The following EEFSEC variants were observed in gnomAD, a reference collection of about 807,000 sequenced individuals.
EEFSEC encodes the protein eukaryotic elongation factor, selenocysteine-tRNA specific.
In EEFSEC, 43 loss-of-function variants were observed where a neutral mutation model predicts 42.1. That is an observed-to-expected ratio of 1.02 (90% CI 0.80 to 1.32). The LOEUF (loss-of-function observed/expected upper bound fraction) is 1.32. Ranked by LOEUF, EEFSEC falls within the 40% of genes most tolerant of loss-of-function variation. The pLI is 0.00. For missense variants in EEFSEC, 745 were observed against 803.6 expected (o/e 0.93, Z 0.88); for synonymous variants, 354 against 339.1 (o/e 1.04, Z -0.48).
intron 4 of EEFSEC, among the ~76,000 whole-genome samples, chr3:128,276,540 G>A (rs2066470395): frequency 6.6e-6 from 1 of 152,184 alleles, no homozygotes; most frequent in Non-Finnish European, 1.5e-5. Context: ...AGCCTGCTTT[G>A]TAGAGTTACT....
chr3:128,222,542 A>G (rs2065871512), intron 1 of EEFSEC, among the ~76,000 whole-genome samples: 6 of 152,168 alleles, frequency 3.9e-5, no homozygotes, highest in Admixed American at 3.9e-4. Flanking sequence ...CTTCTATACC[A>G]TAATTAAATT....
At chr3:128,305,668 T>G (rs1185219654) in intron 4 of EEFSEC, among the ~76,000 whole-genome samples, 2 of 152,242 alleles carry the variant, frequency 1.3e-5, no homozygotes, top group Non-Finnish European at 2.9e-5. Flanking sequence ...CTTTCTTATA[T>G]GTAGTAATTT....
chr3:128,352,927 C>T (rs1025878638), intron 5 of EEFSEC, among the ~76,000 whole-genome samples: 1 of 152,220 alleles, frequency 6.6e-6, no homozygotes, highest in Non-Finnish European at 1.5e-5. Flanking sequence ...CAGGTTCTAA[C>T]CTGTGATGTA....
chr3:128,231,777 G>C (rs1576565246), intron 1 of EEFSEC, among the ~76,000 whole-genome samples: 1 of 152,266 alleles, frequency 6.6e-6, no homozygotes, highest in Admixed American at 6.5e-5. Flanking sequence ...AAGTCTGAGT[G>C]TTTATTCAGC....
chr3:128,221,219 A>G lies in EEFSEC; in HGVS notation c.317-25617A>G, dbSNP rs142738954. ...TAAAGTGAGGAAACACTAAGAGAAG[A>G]AAAAATATGCAGCCAGGTGGAGAAG... On this transcript the variant is annotated intron_variant, in intron 1 of 6. Coordinates refer to ENST00000254730, the MANE Select transcript of EEFSEC (RefSeq NM_021937.5). Among the ~76,000 whole-genome samples the G allele has an allele frequency of 2.6e-4, 40 of 152,356 alleles. No homozygotes were observed. In the East Asian group the frequency reaches 7.3e-3, roughly 28 times the overall value.
At chr3:128,389,298 G>T (rs1273952755) in intron 6 of EEFSEC, among the ~76,000 whole-genome samples, 1 of 152,234 alleles carries the variant, frequency 6.6e-6, no homozygotes, top group African/African-American at 2.4e-5. Flanking sequence ...CAGGCATTTT[G>T]GTTGGGGATG....
Position 128,205,933 on chromosome 3 carries a change from AGTGGGGT to A in EEFSEC, c.317-40899_317-40893del, listed in dbSNP as rs146017495. Among the ~76,000 whole-genome samples the A allele has an allele frequency of 4.6e-5, 7 of 151,306 alleles. No individual in the cohort carries two copies. In the East Asian group the frequency reaches 1.4e-3, roughly 30 times the overall value. Reference sequence around the variant, plus strand: ...ATTATTGACAGTACAGCATTTTGGGAGTGGGGTGTGCCAAGTGTAGCAACCCATTTGG... The same window carrying A: ...ATTATTGACAGTACAGCATTTTGGGAGTGCCAAGTGTAGCAACCCATTTGG... On this transcript the variant is annotated intron_variant, in intron 1 of 6. Coordinates refer to ENST00000254730, the MANE Select transcript of EEFSEC (RefSeq NM_021937.5).
At chr3:128,177,196 A>T (rs547182997) in intron 1 of EEFSEC, among the ~76,000 whole-genome samples, 1 of 151,994 alleles carries the variant, frequency 6.6e-6, no homozygotes, top group Non-Finnish European at 1.5e-5. Context: ...AATTTATATG[A>T]TTAAGTTTTG....
At chr3:128,396,329 T>C (rs534916832) in intron 6 of EEFSEC, among the ~76,000 whole-genome samples, 1 of 152,318 alleles carries the variant, frequency 6.6e-6, no homozygotes, top group South Asian at 2.1e-4. Flanking sequence ...GGCGAGGACA[T>C]GTGATCTCTT....
chr3:128,415,303 G>A, the EEFSEC span, among the ~76,000 whole-genome samples: 2 of 152,172 alleles, frequency 1.3e-5, no homozygotes, highest in East Asian at 3.9e-4. Flanking sequence ...GACATGCAGG[G>A]CCAGGGAAGG....
intron 6 of EEFSEC, among the ~76,000 whole-genome samples, chr3:128,402,407 T>TG (rs2068058566): frequency 6.6e-6 from 1 of 152,246 alleles, no homozygotes; most frequent in Admixed American, 6.5e-5. Context: ...AGCAAATAGA[T>TG]GCTGGATGGG....
intron 2 of EEFSEC, among the ~76,000 whole-genome samples, chr3:128,260,709 T>C (rs1482391326): frequency 6.6e-6 from 1 of 152,194 alleles, no homozygotes; most frequent in Non-Finnish European, 1.5e-5. Context: ...AGAGTTAGCA[T>C]AGGAAGAGGG....
rs1185172585 is a variant in EEFSEC, at chr3:128,341,891, T to A, written c.1443+2T>A. On this transcript the variant is annotated splice_donor_variant, in intron 5 of 6. Transcript: ENST00000254730. LOFTEE classifies it high-confidence loss of function. ...CACAAGCATGGCCTTGTGGAGCGGG[T>A]GAGCATGCCCTTGCCTGGCCCCACA... is the stretch of plus-strand genomic sequence containing the variant. 3 of 1,610,600 alleles carry A rather than the reference T, an allele frequency of 1.9e-6. No individual in the cohort carries two copies. Among genetic ancestry groups the A allele is most frequent in the Non-Finnish European group, 2.5e-6 (3 of 1,178,264 alleles).
chr3:128,227,476 A>C (rs1368968548), intron 1 of EEFSEC, among the ~76,000 whole-genome samples: 1 of 151,982 alleles, frequency 6.6e-6, no homozygotes, highest in Non-Finnish European at 1.5e-5. Flanking sequence ...CCCTTCCAGC[A>C]CCTTCAGCTT....
chr3:128,403,696 A>ACTCAC (rs113924139), intron 6 of EEFSEC, among the ~76,000 whole-genome samples: 1 of 151,594 alleles, frequency 6.6e-6, no homozygotes, highest in South Asian at 2.1e-4. Flanking sequence ...CCTCTCGCAT[A>ACTCAC]CCCTAGGAAT....
chr3:128,182,412 C>T (rs148075012), intron 1 of EEFSEC, among the ~76,000 whole-genome samples: 33 of 151,844 alleles, frequency 2.2e-4, no homozygotes, highest in African/African-American at 7.0e-4. Context: ...TGATAGAAAA[C>T]TTAAATAATG....
intron 4 of EEFSEC, among the ~76,000 whole-genome samples, chr3:128,339,611 A>C (rs2067228020): frequency 6.6e-6 from 1 of 152,198 alleles, no homozygotes. Context: ...GTAGTCAGTG[A>C]TATTTTAGAA....
chr3:128,395,488 T>C (rs550049259), intron 6 of EEFSEC, among the ~76,000 whole-genome samples: 70 of 152,326 alleles, frequency 4.6e-4, no homozygotes, highest in Non-Finnish European at 5.9e-4. Context: ...TCCCAGGGCT[T>C]TTCACTGCTG....
At chr3:128,237,372 C>T (rs566248790) in intron 1 of EEFSEC, among the ~76,000 whole-genome samples, 19 of 151,654 alleles carry the variant, frequency 1.3e-4, no homozygotes, top group African/African-American at 4.6e-4. Context: ...TCTTTCAGTA[C>T]TTTTTTGGTT....
Sources: gnomAD v4.1 joint callset for allele counts (sites outside exome capture counted in the v4.1 genomes callset) on GRCh38, gnomAD v4.1.1 for gene constraint, MANE v1.5 for transcripts, NCBI Gene and HGNC (gene_info 2026-07-23, HGNC 2026-07-21) for gene names.